Variants in MRTFA observed in about 807,000 individuals in gnomAD.
MRTFA encodes the protein myocardin related transcription factor A.
MRTFA carries 20 observed loss-of-function variants against 83.5 expected under a neutral mutation model. The observed-to-expected ratio is 0.24, with a 90% CI of 0.17 to 0.35. The LOEUF (loss-of-function observed/expected upper bound fraction) is 0.35, where lower values mean the gene tolerates loss of function less well. MRTFA is among the 10% of genes least tolerant of loss of function. The pLI, the probability that MRTFA is intolerant of heterozygous loss-of-function variation, is 1.00. For missense variants in MRTFA, 1,200 were observed against 1,224.7 expected, an observed-to-expected ratio of 0.98 and a Z score of 0.30; for synonymous variants, 659 against 541.2, an observed-to-expected ratio of 1.22 and a Z score of -3.02.
At chr22:40,630,920 C>A (rs1257665279) in intron 1 of MRTFA, among the ~76,000 whole-genome samples, 3 of 152,196 alleles carry the variant, frequency 2.0e-5, no homozygotes, top group East Asian at 1.9e-4. Flanking sequence ...CTCAGCCACA[C>A]AGGTTCTCAT....
At chr22:40,567,424 G>T (rs533926268) in intron 2 of MRTFA, among the ~76,000 whole-genome samples, 2 of 152,130 alleles carry the variant, frequency 1.3e-5, no homozygotes, top group African/African-American at 2.4e-5. Flanking sequence ...CACACGCTAC[G>T]TATAAGAGAC....
Position 40,500,822 on chromosome 22 carries a change from T to C in MRTFA, c.242-37536A>G, listed in dbSNP as rs540601705. 1.6e-4 allele frequency among the ~76,000 whole-genome samples: 24 copies of C among 151,650 alleles called. No homozygotes were observed. In the South Asian group the frequency reaches 4.6e-3, roughly 29 times the overall value. On this transcript the variant is annotated intron_variant, in intron 3 of 14. Transcript: ENST00000355630. The stretch of plus-strand genomic sequence containing the variant: ...CTACACAGACACGGCAACCATCCGA[T>C]TTCTCAATCTTTTCCCCACCTTTCC...
At chr22:40,472,461 T>C in intron 3 of MRTFA, among the ~76,000 whole-genome samples, 1 of 152,226 alleles carries the variant, frequency 6.6e-6, no homozygotes, top group East Asian at 1.9e-4. Flanking sequence ...TTGCTGTGTT[T>C]TGAACAATGA....
rs2052816204 is a variant in MRTFA at position 40,420,727 on chromosome 22, G to A, written c.1181+120C>T. 10 of 1,546,986 alleles carry A rather than the reference G, an allele frequency of 6.5e-6. No individual in the cohort carries two copies. In the East Asian group the frequency reaches 1.8e-4, roughly 28 times the overall value. On this transcript the variant is annotated intron_variant, in intron 10 of 14. Coordinates refer to ENST00000355630, the MANE Select transcript of MRTFA (RefSeq NM_020831.6). ...GGTGGCCCTGCCTGCAGACCACTCT[G>A]TAGCATCCAGACCAGCGGGTCCTTA...
chr22:40,506,476 G>C (rs982997508), intron 3 of MRTFA, among the ~76,000 whole-genome samples: 1 of 152,066 alleles, frequency 6.6e-6, no homozygotes, highest in Non-Finnish European at 1.5e-5. Context: ...ATATTAATGG[G>C]AACTGAACAC....
rs371934037 is a variant in MRTFA, at chr22:40,419,354, G to A, written c.1384C>T (p.Arg462Ter). ...TTGGTGCCCGAGACAGGCAGTGATC[G>A]CAACTTCAGCTCCTGCTTCAGCTCT... Residue 462 changes from arginine (R) to a stop codon, truncating the protein, a stop_gained, in exon 12 of 15, where the codon CGA becomes TGA. Transcript: ENST00000355630. LOFTEE classifies it high-confidence loss of function. The A allele has an allele frequency of 4.3e-6, 7 of 1,613,658 alleles. No individual in the cohort carries two copies. Among genetic ancestry groups the A allele is most frequent in the Non-Finnish European group, 5.1e-6 (6 of 1,179,994 alleles).
chr22:40,519,934 A>T (rs1569308740), intron 3 of MRTFA, among the ~76,000 whole-genome samples: 1 of 152,264 alleles, frequency 6.6e-6, no homozygotes, highest in African/African-American at 2.4e-5. Context: ...TAATTTTATT[A>T]TAAGTTTTAA....
rs945880853 is a variant in MRTFA at position 40,573,247 on chromosome 22, C to CT, written c.-21-20881dup. 5.9e-5 allele frequency among the ~76,000 whole-genome samples: 9 copies of CT among 151,996 alleles called. No homozygotes were observed. In the East Asian group the frequency reaches 1.4e-3, roughly 23 times the overall value. ...GAAACCACTGAATTGTATTTTTGGT[C>CT]TTTTTTTTGTTTTGCTTTGCTTTTT... On this transcript the variant is annotated intron_variant, in intron 2 of 14. Coordinates refer to ENST00000355630, the MANE Select transcript of MRTFA (RefSeq NM_020831.6).
rs2052911972 is a variant in MRTFA, at chr22:40,424,478, C to T, written c.602-97G>A. Reference sequence around the variant, plus strand: ...GCAGGCCACAGGCAGAGTGCCTGGCCCACAGCCCACATGCCCCGTGAGGCA... The same window carrying T: ...GCAGGCCACAGGCAGAGTGCCTGGCTCACAGCCCACATGCCCCGTGAGGCA... On this transcript the variant is annotated intron_variant, in intron 7 of 14. Coordinates refer to ENST00000355630, the MANE Select transcript of MRTFA (RefSeq NM_020831.6). 4.6e-6 allele frequency: 6 copies of T among 1,290,956 alleles called. No individual in the cohort carries two copies. The South Asian group carries it at 5.3e-5, about 11-fold the overall frequency. The allele number at this position is 1,290,956 out of a possible 1,614,324, so 80.0% of individuals were successfully genotyped here.
At chr22:40,445,066 CAAAT>C (rs757243240) in intron 4 of MRTFA, among the ~76,000 whole-genome samples, 2 of 152,110 alleles carry the variant, frequency 1.3e-5, no homozygotes, top group Non-Finnish European at 2.9e-5. Flanking sequence ...GAGCCTGTCT[CAAAT>C]AAATAAATAA....
intron 1 of MRTFA, among the ~76,000 whole-genome samples, chr22:40,631,507 G>C (rs1045688386): frequency 1.3e-5 from 2 of 151,988 alleles, no homozygotes; most frequent in Non-Finnish European, 2.9e-5. Context: ...TCATACACAC[G>C]GCCGGCAAGT....
chr22:40,581,121 CT>C (rs918959715), intron 2 of MRTFA, among the ~76,000 whole-genome samples: 2 of 151,900 alleles, frequency 1.3e-5, no homozygotes, highest in African/African-American at 2.4e-5. Flanking sequence ...CACTTGCTTT[CT>C]TTTTTTTCAA....
chr22:40,531,262 C>CTTTTTTTTTTTT (rs397868211), intron 3 of MRTFA, among the ~76,000 whole-genome samples: 35 of 108,104 alleles, frequency 3.2e-4, no homozygotes, highest in Non-Finnish European at 5.1e-4. Flanking sequence ...TCATACCTGG[C>CTTTTTTTTTTTT]TTTTTTTTTT....
At chr22:40,541,785 A>G (rs892298569) in intron 3 of MRTFA, among the ~76,000 whole-genome samples, 1 of 149,900 alleles carries the variant, frequency 6.7e-6, no homozygotes, top group Non-Finnish European at 1.5e-5. Flanking sequence ...TCTTGCCTCA[A>G]CCTCCCAAGT....
At chr22:40,513,902 G>T (rs1173525150) in intron 3 of MRTFA, among the ~76,000 whole-genome samples, 1 of 151,978 alleles carries the variant, frequency 6.6e-6, no homozygotes, top group African/African-American at 2.4e-5. Context: ...TTTGAGACCA[G>T]CCTGGGCAAC....
At chr22:40,595,982 C>T (rs536984193) in intron 1 of MRTFA, among the ~76,000 whole-genome samples, 2 of 150,030 alleles carry the variant, frequency 1.3e-5, no homozygotes, top group South Asian at 4.2e-4. Flanking sequence ...ATAATTCTCC[C>T]ATCTCCCTGG....
intron 4 of MRTFA, among the ~76,000 whole-genome samples, chr22:40,461,116 C>T (rs534605149): frequency 3.2e-4 from 46 of 143,640 alleles, no homozygotes; most frequent in Non-Finnish European, 5.0e-4. Flanking sequence ...GTGGGAAGAT[C>T]TGCTTGAAAG....
chr22:40,438,646 A>C (rs1342209918), intron 4 of MRTFA, among the ~76,000 whole-genome samples: 4 of 152,172 alleles, frequency 2.6e-5, no homozygotes, highest in Non-Finnish European at 5.9e-5. Flanking sequence ...CAAGGTCCAA[A>C]AATGTTACAG....
chr22:40,428,593 G>A (rs188571268), intron 7 of MRTFA, among the ~76,000 whole-genome samples: 5 of 152,172 alleles, frequency 3.3e-5, no homozygotes, highest in African/African-American at 9.6e-5. Context: ...AGCTCACTAC[G>A]GCCTTGAACT....
Sources: gnomAD v4.1 joint callset for allele counts (sites outside exome capture counted in the v4.1 genomes callset) on GRCh38, gnomAD v4.1.1 for gene constraint, MANE v1.5 for transcripts, NCBI Gene and HGNC (gene_info 2026-07-23, HGNC 2026-07-21) for gene names.